The following GREB1L variants were observed in gnomAD, a reference collection of about 807,000 sequenced individuals.
GREB1L encodes the protein GREB1-like protein.
A neutral mutation model predicts 200.8 loss-of-function variants in GREB1L; 17 were observed. The ratio of observed to expected loss-of-function variants is 0.08; its 90% CI spans 0.06 to 0.13. The LOEUF is 0.13. GREB1L is among the 10% of genes least tolerant of loss of function. The pLI, the probability that GREB1L is intolerant of heterozygous loss-of-function variation, is 1.00. For synonymous variants in GREB1L, 789 were observed against 893.0 expected, an observed-to-expected ratio of 0.88 and a Z score of 2.08; for missense variants, 1,657 against 2,367.7, an observed-to-expected ratio of 0.70 and a Z score of 6.23.
At chr18:21,346,484 T>C (rs770240113) in intron 1 of GREB1L, among the ~76,000 whole-genome samples, 1 of 151,954 alleles carries the variant, frequency 6.6e-6, no homozygotes, top group Non-Finnish European at 1.5e-5. Flanking sequence ...CCATCTTTCT[T>C]TCCTAACATG....
intron 2 of GREB1L, among the ~76,000 whole-genome samples, chr18:21,376,549 A>G (rs1360535631): frequency 6.6e-6 from 1 of 151,838 alleles, no homozygotes; most frequent in African/African-American, 2.4e-5. Flanking sequence ...TCATGCCTGT[A>G]ATCCCAGCAC....
chr18:21,273,285 T>A (rs1020498219), intron 1 of GREB1L, among the ~76,000 whole-genome samples: 1 of 152,220 alleles, frequency 6.6e-6, no homozygotes, highest in African/African-American at 2.4e-5. Flanking sequence ...TTGAACTAGC[T>A]GCTCACAAAT....
intron 15 of GREB1L, among the ~76,000 whole-genome samples, chr18:21,465,522 CAAT>C (rs1399766901): frequency 6.6e-6 from 1 of 151,888 alleles, no homozygotes; most frequent in African/African-American, 2.4e-5. Flanking sequence ...AAAAACACAA[CAAT>C]AAAAAGTAAC....
intron 1 of GREB1L, among the ~76,000 whole-genome samples, chr18:21,278,396 A>G (rs1236359928): frequency 8.0e-6 from 1 of 125,444 alleles, no homozygotes; most frequent in Non-Finnish European, 1.6e-5. Context: ...AAAAAAATAA[A>G]TAAATAAATA....
rs2040218673 is a variant in GREB1L at position 21,379,530 on chromosome 18, G to C, written c.-9-3980G>C. ...GTTTTCAAGATTTTCAATGATGAAA[G>C]GAAGATAACTTGTTGGAGTGGTAAT... On this transcript the variant is annotated intron_variant, in intron 2 of 32. Transcript: ENST00000424526. Among the ~76,000 whole-genome samples, 3 of 152,318 alleles carry C rather than the reference G, an allele frequency of 2.0e-5. No individual in the cohort carries two copies. The South Asian group carries it at 6.2e-4, about 32-fold the overall frequency.
At chr18:21,458,040 C>T (rs1465891008) in intron 15 of GREB1L, among the ~76,000 whole-genome samples, 3 of 144,788 alleles carry the variant, frequency 2.1e-5, no homozygotes. Context: ...GCGTTCTTGG[C>T]TCACCACAAC....
intron 2 of GREB1L, among the ~76,000 whole-genome samples, chr18:21,371,924 G>A (rs1452261898): frequency 3.3e-5 from 5 of 151,970 alleles, no homozygotes; most frequent in African/African-American, 9.7e-5. Context: ...TGAAAGTACT[G>A]TCTCCATTTT....
Position 21,397,746 on chromosome 18 carries a change from A to G in GREB1L, c.532+2185A>G, listed in dbSNP as rs376850334. 4.6e-5 allele frequency among the ~76,000 whole-genome samples: 7 copies of G among 152,278 alleles called. No homozygotes were observed. The South Asian group carries it at 1.0e-3, about 23-fold the overall frequency. ...CACTTTGTTTAGTGAAATTGAGCAG[A>G]TGGTTTAATATAGAAGTCTAATGAT... On this transcript the variant is annotated intron_variant, in intron 5 of 32. Transcript: ENST00000424526.
chr18:21,303,400 A>C lies in GREB1L; in HGVS notation c.-120+61007A>C, dbSNP rs200444788. Among the ~76,000 whole-genome samples the C allele has an allele frequency of 2.2e-4, 34 of 152,334 alleles. No individual in the cohort carries two copies. The East Asian group carries it at 5.8e-3, about 26-fold the overall frequency. On this transcript the variant is annotated intron_variant, in intron 1 of 32. Coordinates refer to ENST00000424526, the MANE Select transcript of GREB1L (RefSeq NM_001142966.3). ...AAAAATTCTTGTTCTTTTGTTTTTT[A>C]AAAAAATTCTGAAATATATTGGAAA...
rs2034660071 is a variant in GREB1L at position 21,454,372 on chromosome 18, A to G, written c.1991A>G (p.Asp664Gly). The G allele has an allele frequency of 6.5e-7, 1 of 1,549,192 alleles. No individual in the cohort carries two copies. The highest frequency in any genetic ancestry group is 1.4e-5 in the African/African-American group (1 of 73,072). ...ACTTCTCTTTAAATTTTAGATTTAG[A>G]TAATGAAACCTTCCACATTTATCAA... ...AMIPTQNLDL[D>G]NETFHIYQPQ... The change falls in exon 15 of 33, where the codon GAT becomes GGT. Residue 664 changes from aspartate (D) to glycine (G), a missense_variant. By Grantham distance (94) the Asp-to-Gly change is moderately conservative (BLOSUM62 -1). Around this residue, in one of 9 missense-constraint regions of GREB1L, gnomAD observed 239 missense variants for 421.8 expected, o/e 0.57. Coordinates refer to ENST00000424526, the MANE Select transcript of GREB1L (RefSeq NM_001142966.3).
At chr18:21,345,552 T>A (rs2039332372) in intron 1 of GREB1L, among the ~76,000 whole-genome samples, 1 of 152,166 alleles carries the variant, frequency 6.6e-6, no homozygotes, top group Non-Finnish European at 1.5e-5. Flanking sequence ...AAGACTGGGT[T>A]ACCTTTTCTG....
rs867349151 is a variant in GREB1L at position 21,449,553 on chromosome 18, G to A, written c.1437G>A (p.Met479Ile). ...VPLREEFEQIMLKAMQEFTLR... is the reference protein window; with the variant it reads ...VPLREEFEQIILKAMQEFTLR... ...TCAGGGAAGAATTTGAGCAAATTATGCTGAAAGCTATGCAAGAATTTACTC... is the reference window on the plus strand; with the variant it reads ...TCAGGGAAGAATTTGAGCAAATTATACTGAAAGCTATGCAAGAATTTACTC... Residue 479 changes from methionine to isoleucine, a missense_variant, in exon 12 of 33, where the codon ATG becomes ATA. By Grantham distance (10) the Met-to-Ile change is conservative. Coordinates refer to ENST00000424526, the MANE Select transcript of GREB1L (RefSeq NM_001142966.3). 7.7e-6 allele frequency: 12 copies of A among 1,550,764 alleles called. No individual in the cohort carries two copies. The Admixed American group carries it at 2.0e-4, about 25-fold the overall frequency.
intron 1 of GREB1L, among the ~76,000 whole-genome samples, chr18:21,365,294 CT>C (rs2039652245): frequency 6.6e-6 from 1 of 151,900 alleles, no homozygotes; most frequent in Non-Finnish European, 1.5e-5. Flanking sequence ...ACTAGAAATG[CT>C]TCTATGTTAT....
intron 7 of GREB1L, among the ~76,000 whole-genome samples, chr18:21,427,919 G>A (rs972537363): frequency 5.3e-5 from 8 of 151,942 alleles, no homozygotes; most frequent in Admixed American, 1.3e-4. Context: ...GGCCGGGCGC[G>A]GTGGCTCACG....
At chr18:21,258,348 C>G (rs1204050125) in intron 1 of GREB1L, among the ~76,000 whole-genome samples, 1 of 152,092 alleles carries the variant, frequency 6.6e-6, no homozygotes, top group Non-Finnish European at 1.5e-5. Flanking sequence ...AGTGCTTTGT[C>G]CCTTTTGCTC....
intron 1 of GREB1L, among the ~76,000 whole-genome samples, chr18:21,287,223 CTAT>C (rs1567922614): frequency 1.3e-5 from 2 of 151,860 alleles, no homozygotes; most frequent in Non-Finnish European, 2.9e-5. Context: ...GTCATACATG[CTAT>C]TTTTTCCCCA....
chr18:21,464,641 T>C (rs2035197400), intron 15 of GREB1L, among the ~76,000 whole-genome samples: 3 of 151,400 alleles, frequency 2.0e-5, no homozygotes, highest in African/African-American at 7.3e-5. Flanking sequence ...AAGGTATCTC[T>C]ACAATGGAGA....
chr18:21,376,608 T>C (rs1054733327), intron 2 of GREB1L, among the ~76,000 whole-genome samples: 3 of 150,622 alleles, frequency 2.0e-5, no homozygotes, highest in Non-Finnish European at 3.0e-5. Context: ...ATGGAGACCA[T>C]CCTGGCTAAC....
intron 14 of GREB1L, among the ~76,000 whole-genome samples, 153 bp from the exon 15 acceptor site, chr18:21,454,213 T>G (rs1055345134): frequency 1.3e-5 from 2 of 152,216 alleles, no homozygotes; most frequent in African/African-American, 2.4e-5. Flanking sequence ...GCAAATCTAT[T>G]AAAACTCAAT....
Sources: gnomAD v4.1 joint callset for allele counts (sites outside exome capture counted in the v4.1 genomes callset) on GRCh38, gnomAD v4.1.1 for gene constraint, gnomAD v4.1.1 regional missense constraint, MANE v1.5 for transcripts, NCBI Gene and HGNC (gene_info 2026-07-23, HGNC 2026-07-21) for gene names.